Variants in MAP2 observed in about 807,000 individuals in gnomAD.
MAP2 encodes the protein microtubule associated protein 2.
A neutral mutation model predicts 137.6 loss-of-function variants in MAP2; 14 were observed. The ratio of observed to expected loss-of-function variants is 0.10; its 90% confidence interval spans 0.07 to 0.16. MAP2 has a LOEUF of 0.16. MAP2 is among the 10% of genes least tolerant of loss of function. The probability of loss-of-function intolerance (pLI) is 1.00; values close to 1 mark genes in which losing one functional copy is unlikely to be tolerated. For synonymous variants in MAP2, 786 were observed against 782.3 expected, an observed-to-expected ratio of 1.00 and a Z score of -0.08; for missense variants, 2,088 against 2,191.5, an observed-to-expected ratio of 0.95 and a Z score of 0.94.
intron 3 of MAP2, among the ~76,000 whole-genome samples, chr2:209,585,229 CAA>C (rs1395891240): frequency 7.5e-6 from 1 of 133,912 alleles, no homozygotes; most frequent in Non-Finnish European, 1.6e-5. Flanking sequence ...AAATAAGGGA[CAA>C]GAATTAAAGT....
chr2:209,640,167 A>G (rs1192397972), intron 4 of MAP2, among the ~76,000 whole-genome samples: 1 of 152,066 alleles, frequency 6.6e-6, no homozygotes, highest in East Asian at 1.9e-4. Context: ...TAGTGTGGCA[A>G]GAGATGTTGA....
rs762552461 is a variant in MAP2 at position 209,730,446 on chromosome 2, GGCA to G, written c.*51_*53del. Reference sequence around the variant, plus strand: ...TAATAATATTTAGGCATGAGCTCTTGGCAGGAGTGGGCTCTGAGCAGTTGTTAT... The same window carrying G: ...TAATAATATTTAGGCATGAGCTCTTGGGAGTGGGCTCTGAGCAGTTGTTAT... On this transcript the variant is annotated 3_prime_UTR_variant, in exon 16 of 16. Transcript: ENST00000682079. The G allele has an allele frequency of 1.5e-5, 20 of 1,316,164 alleles. No homozygotes were observed. The highest frequency in any genetic ancestry group is 2.2e-5 in the Non-Finnish European group (20 of 922,506). The allele number at this position is 1,316,164 out of a possible 1,614,324, so 81.5% of individuals were successfully genotyped here. A position where few individuals can be genotyped will look rare whatever the true frequency, so the allele number is the denominator to read the frequency against.
At chr2:209,675,609 G>A (rs2050997178) in intron 5 of MAP2, among the ~76,000 whole-genome samples, 1 of 151,736 alleles carries the variant, frequency 6.6e-6, no homozygotes. Flanking sequence ...CATCCTTTAT[G>A]TATTAAATCC....
At chr2:209,647,287 G>A (rs765370133) in intron 4 of MAP2, among the ~76,000 whole-genome samples, 1 of 152,072 alleles carries the variant, frequency 6.6e-6, no homozygotes, top group Non-Finnish European at 1.5e-5. Context: ...AATTTGGGTA[G>A]GAACACAGAT....
intron 1 of MAP2, among the ~76,000 whole-genome samples, chr2:209,431,535 A>G (rs1216930884): frequency 6.6e-6 from 1 of 152,172 alleles, no homozygotes; most frequent in Non-Finnish European, 1.5e-5. Context: ...TTTGATGGGG[A>G]AAAGAGACTA....
In MAP2 at chr2:209,573,239, G is replaced by A. The variant is rs763770232; in HGVS notation, c.-171-6797G>A. On this transcript the variant is annotated intron_variant, in intron 2 of 15. Transcript: ENST00000682079. ...CAAAGACTTGCTGCCTAGAGACTGG[G>A]ACCTTTTTATTACTTTTTTATCTTT... Among the ~76,000 whole-genome samples the A allele has an allele frequency of 1.0e-3, 152 of 151,152 alleles. 1 individual carries two copies. Among genetic ancestry groups the A allele is most frequent in the Non-Finnish European group, 1.6e-3 (111 of 67,788 alleles).
intron 13 of MAP2, among the ~76,000 whole-genome samples, chr2:209,716,651 A>G (rs892425539): frequency 1.3e-5 from 2 of 152,206 alleles, no homozygotes; most frequent in Non-Finnish European, 2.9e-5. Context: ...ACCCTGATCT[A>G]AAAGAATATT....
At chr2:209,459,397 A>G (rs982543623) in intron 1 of MAP2, among the ~76,000 whole-genome samples, 1 of 152,126 alleles carries the variant, frequency 6.6e-6, no homozygotes, top group Non-Finnish European at 1.5e-5. Context: ...TTCCTCTGGA[A>G]CTTACTTTTT....
At chr2:209,674,879 G>A (rs1479956601) in intron 5 of MAP2, among the ~76,000 whole-genome samples, 3 of 151,886 alleles carry the variant, frequency 2.0e-5, no homozygotes, top group South Asian at 4.1e-4. Flanking sequence ...TAAGGATGAA[G>A]CTCACCCAGT....
chr2:209,489,835 A>T (rs1487524846), intron 1 of MAP2, among the ~76,000 whole-genome samples: 2 of 152,354 alleles, frequency 1.3e-5, no homozygotes, highest in South Asian at 2.1e-4. Context: ...TCTGAAAGTG[A>T]TGGGGAGAAT....
chr2:209,706,917 T>C (rs890482153), intron 12 of MAP2, among the ~76,000 whole-genome samples: 1 of 152,172 alleles, frequency 6.6e-6, no homozygotes, highest in Admixed American at 6.6e-5. Context: ...CTTTGAAATA[T>C]GTGTTAAGAA....
Position 209,693,607 on chromosome 2 carries a change from C to T in MAP2, c.1437C>T (p.His479=). ...GCATAATTCAGACCTCCACAGAGCACACTTTCTCAGAACAGAAAGACCAAG... is the reference window on the plus strand; with the variant it reads ...GCATAATTCAGACCTCCACAGAGCATACTTTCTCAGAACAGAAAGACCAAG... ...EIGIIQTSTE[H]TFSEQKDQEP... Residue 479 remains histidine (H), a synonymous_variant, in exon 8 of 16, where the codon CAC becomes CAT. Transcript: ENST00000682079. 6.2e-7 allele frequency: 1 copy of T among 1,613,980 alleles called. No individual in the cohort carries two copies. The highest frequency in any genetic ancestry group is 2.2e-5 in the East Asian group (1 of 44,852).
In MAP2 at chr2:209,672,548, T is replaced by C. The variant is rs2049295871; in HGVS notation, c.263-6024T>C. On this transcript the variant is annotated intron_variant, in intron 5 of 15. Transcript: ENST00000682079. Reference sequence around the variant, plus strand: ...TGGAATCTGAAGGTTAGAGAGATTGTTACTTAACAAGGTCTTTTGGCTAGT... The same window carrying C: ...TGGAATCTGAAGGTTAGAGAGATTGCTACTTAACAAGGTCTTTTGGCTAGT... Among the ~76,000 whole-genome samples, 3 of 151,908 alleles carry C rather than the reference T, an allele frequency of 2.0e-5. No homozygotes were observed. The South Asian group carries it at 6.2e-4, about 31-fold the overall frequency.
intron 1 of MAP2, among the ~76,000 whole-genome samples, chr2:209,482,422 T>G (rs1427388582): frequency 1.3e-5 from 2 of 152,178 alleles, no homozygotes; most frequent in Non-Finnish European, 2.9e-5. Context: ...AGCATTGACT[T>G]CAGTTAATTC....
chr2:209,713,001 G>T (rs1222673801), intron 13 of MAP2, among the ~76,000 whole-genome samples: 2 of 152,052 alleles, frequency 1.3e-5, no homozygotes, highest in East Asian at 3.9e-4. Context: ...CTTTCTTCAC[G>T]GGCCAGGTTT....
intron 1 of MAP2, among the ~76,000 whole-genome samples, chr2:209,453,522 G>T (rs965979252): frequency 7.9e-5 from 12 of 152,016 alleles, no homozygotes; most frequent in Admixed American, 1.3e-4. Flanking sequence ...GCTGGAAGAG[G>T]ACTAGGATTA....
intron 1 of MAP2, among the ~76,000 whole-genome samples, chr2:209,494,570 G>T (rs763886464): frequency 1.3e-5 from 2 of 152,084 alleles, no homozygotes; most frequent in Non-Finnish European, 2.9e-5. Context: ...AAGTTACCCT[G>T]TATGGTCTAA....
intron 13 of MAP2, among the ~76,000 whole-genome samples, chr2:209,717,441 C>A (rs2068156578): frequency 6.6e-6 from 1 of 152,150 alleles, no homozygotes. Flanking sequence ...GAGATTTGGG[C>A]AGGGACACAA....
At chr2:209,715,116 ATT>A (rs1337219904) in intron 13 of MAP2, among the ~76,000 whole-genome samples, 1 of 152,140 alleles carries the variant, frequency 6.6e-6, no homozygotes, top group Non-Finnish European at 1.5e-5. Context: ...ACTACATTAA[ATT>A]TGGAAAGGTA....
Sources: gnomAD v4.1 joint callset for allele counts (sites outside exome capture counted in the v4.1 genomes callset) on GRCh38, gnomAD v4.1.1 for gene constraint, MANE v1.5 for transcripts, NCBI Gene and HGNC (gene_info 2026-07-23, HGNC 2026-07-21) for gene names.